The following PTPRG variants were observed in gnomAD, a reference collection of about 807,000 sequenced individuals.
PTPRG encodes the protein protein tyrosine phosphatase receptor type G.
PTPRG carries 102 observed loss-of-function variants against 165.3 expected under a neutral mutation model. That is an observed-to-expected ratio of 0.62 (90% confidence interval 0.53 to 0.73). The LOEUF (loss-of-function observed/expected upper bound fraction) is 0.73, where lower values mean the gene tolerates loss of function less well. PTPRG is among the 30% of genes least tolerant of loss of function. The pLI is 0.00. For synonymous variants in PTPRG, 675 were observed against 669.5 expected (o/e 1.01, Z -0.13); for missense variants, 1,866 against 1,861.4 (o/e 1.00, Z -0.05).
At chr3:61,606,623 T>A (rs955959675) in intron 1 of PTPRG, among the ~76,000 whole-genome samples, 11 of 152,202 alleles carry the variant, frequency 7.2e-5, no homozygotes. Flanking sequence ...TTAATTTTCT[T>A]ACACTTCTGG....
intron 1 of PTPRG, among the ~76,000 whole-genome samples, chr3:61,720,265 A>G (rs2031992767): frequency 6.6e-6 from 1 of 151,956 alleles, no homozygotes; most frequent in African/African-American, 2.4e-5. Context: ...CTGGGATTAC[A>G]GGCATGCACC....
intron 8 of PTPRG, among the ~76,000 whole-genome samples, chr3:62,183,003 A>G (rs1468399618): frequency 6.6e-6 from 1 of 152,244 alleles, no homozygotes; most frequent in Admixed American, 6.5e-5. Flanking sequence ...GTCCACGTGC[A>G]TTTGTGCATT....
At chr3:61,660,985 A>G (rs1301329042) in intron 1 of PTPRG, among the ~76,000 whole-genome samples, 1 of 152,210 alleles carries the variant, frequency 6.6e-6, no homozygotes, top group Non-Finnish European at 1.5e-5. Context: ...CCTGGGCCAT[A>G]GAGTGAGACT....
chr3:61,719,530 T>C (rs2106784285), intron 1 of PTPRG, among the ~76,000 whole-genome samples: 1 of 152,302 alleles, frequency 6.6e-6, no homozygotes, highest in African/African-American at 2.4e-5. Flanking sequence ...GGTGTCTTTG[T>C]CAGCAGGCTT....
rs1701125097 is a variant in PTPRG, at chr3:62,240,152, G to A, written c.2376-3655G>A. Among the ~76,000 whole-genome samples the A allele has an allele frequency of 6.6e-6, 1 of 152,140 alleles. No individual in the cohort carries two copies. ...GCCAGTCTATATTTGTTATCAAGGAGAGATGCATATAGAATGATCTCATTT... is the reference window on the plus strand; with the variant it reads ...GCCAGTCTATATTTGTTATCAAGGAAAGATGCATATAGAATGATCTCATTT... On this transcript the variant is annotated intron_variant, in intron 14 of 29. Coordinates refer to ENST00000474889, the MANE Select transcript of PTPRG (RefSeq NM_002841.4). The surrounding 1 kb of genome is among the most constrained non-coding windows in gnomAD (Gnocchi z 5.1).
Position 62,243,899 on chromosome 3 carries a change from G to GT in PTPRG, c.2467+2dup, listed in dbSNP as rs774248729. 1 of 1,505,670 alleles carries GT rather than the reference G, an allele frequency of 6.6e-7. No individual in the cohort carries two copies. The highest frequency in any genetic ancestry group is 1.1e-5 in the South Asian group (1 of 87,114). The allele number at this position is 1,505,670 out of a possible 1,614,324, so 93.3% of individuals were successfully genotyped here. The stretch of plus-strand genomic sequence containing the variant: ...AGTATCCCTATTATTCCTATTCCGG[G>GT]TAAGTAAGACACTGCTCTTATTTCC... On this transcript the variant is annotated splice_donor_variant, in intron 15 of 29. Coordinates refer to ENST00000474889, the MANE Select transcript of PTPRG (RefSeq NM_002841.4). LOFTEE classifies it high-confidence loss of function.
chr3:62,109,668 T>G (rs932048187), intron 5 of PTPRG, among the ~76,000 whole-genome samples: 11 of 152,146 alleles, frequency 7.2e-5, no homozygotes, highest in Non-Finnish European at 1.6e-4. Context: ...CTTTCCCTCC[T>G]GCTCTCTTTG....
At position 61,989,609 on chromosome 3, in the gene PTPRG, TG is replaced by T. The variant is rs750450039; in HGVS notation, c.191-15del. On this transcript the variant is annotated splice_polypyrimidine_tract_variant and intron_variant, in intron 2 of 29. Transcript: ENST00000474889. Reference sequence around the variant, plus strand: ...CCTTGAACCATGAGGATTGAAGTGTTGTCTTCTTTCAACAGGTGCCTATGGT... The same window carrying T: ...CCTTGAACCATGAGGATTGAAGTGTTTCTTCTTTCAACAGGTGCCTATGGT... The T allele has an allele frequency of 1.7e-5, 27 of 1,609,910 alleles. No homozygotes were observed. The East Asian group carries it at 6.0e-4, about 36-fold the overall frequency.
At chr3:62,202,881 T>C (rs986670392) in intron 11 of PTPRG, among the ~76,000 whole-genome samples, 2 of 152,322 alleles carry the variant, frequency 1.3e-5, no homozygotes, top group Middle Eastern at 3.4e-3. Flanking sequence ...CACTACTTAG[T>C]TTTTTTGGCA....
intron 1 of PTPRG, among the ~76,000 whole-genome samples, chr3:61,661,397 T>C (rs1702664833): frequency 6.6e-6 from 1 of 152,188 alleles, no homozygotes; most frequent in Non-Finnish European, 1.5e-5. Flanking sequence ...GGTGAATATC[T>C]TATTTCTCCT....
chr3:61,584,647 T>C (rs566506895), intron 1 of PTPRG, among the ~76,000 whole-genome samples: 2 of 152,106 alleles, frequency 1.3e-5, no homozygotes, highest in East Asian at 1.9e-4. Flanking sequence ...AGTTTGCTTA[T>C]GTTATCCCGC....
chr3:61,748,257 G>A (rs1249270830), intron 1 of PTPRG, among the ~76,000 whole-genome samples: 2 of 152,182 alleles, frequency 1.3e-5, no homozygotes, highest in Middle Eastern at 3.2e-3. Context: ...AGATTGTCCT[G>A]TGTTTGGGTG....
At chr3:62,092,547 T>A (rs1701980288) in intron 5 of PTPRG, among the ~76,000 whole-genome samples, 1 of 151,602 alleles carries the variant, frequency 6.6e-6, no homozygotes, top group South Asian at 2.1e-4. Flanking sequence ...TCCTTGTGAG[T>A]CAGCTTGGTG....
intron 4 of PTPRG, among the ~76,000 whole-genome samples, chr3:62,049,123 A>AC (rs1700388780): frequency 6.9e-6 from 1 of 144,934 alleles, no homozygotes. Flanking sequence ...AACAAAACAA[A>AC]AAAAAAAACA....
intron 6 of PTPRG, among the ~76,000 whole-genome samples, chr3:62,150,747 C>T (rs569346170): frequency 1.3e-5 from 2 of 152,272 alleles, no homozygotes; most frequent in African/African-American, 4.8e-5. Flanking sequence ...GGCTTTCATA[C>T]ACTTTCCTAA....
chr3:61,916,269 G>A (rs1427618387), intron 2 of PTPRG, among the ~76,000 whole-genome samples: 1 of 152,190 alleles, frequency 6.6e-6, no homozygotes, highest in Admixed American at 6.5e-5. Context: ...TTGGGTGTGT[G>A]TGTGTATAGA....
At chr3:61,815,880 A>G (rs1234514633) in intron 2 of PTPRG, among the ~76,000 whole-genome samples, 1 of 152,196 alleles carries the variant, frequency 6.6e-6, no homozygotes, top group African/African-American at 2.4e-5. Context: ...GTGTTTGGAA[A>G]TTCTAGAATG....
chr3:61,883,877 A>G (rs1013537908), intron 2 of PTPRG, among the ~76,000 whole-genome samples: 2 of 152,018 alleles, frequency 1.3e-5, no homozygotes, highest in African/African-American at 4.8e-5. Flanking sequence ...ATACCTAGCT[A>G]ATTTCTGTTT....
intron 1 of PTPRG, among the ~76,000 whole-genome samples, chr3:61,736,051 G>T (rs1176895969): frequency 6.6e-6 from 1 of 151,830 alleles, no homozygotes; most frequent in Non-Finnish European, 1.5e-5. Flanking sequence ...GGGACTACAG[G>T]CGCAGGCCAC....
Sources: gnomAD v4.1 joint callset for allele counts (sites outside exome capture counted in the v4.1 genomes callset) on GRCh38, gnomAD v4.1.1 for gene constraint, Gnocchi (gnomAD v3.1) non-coding constraint, MANE v1.5 for transcripts, NCBI Gene and HGNC (gene_info 2026-07-23, HGNC 2026-07-21) for gene names.